GRIK5: variants seen among roughly 807,000 people sequenced by gnomAD.
GRIK5 encodes glutamate ionotropic receptor kainate type subunit 5.
Under a neutral mutation model 97.4 loss-of-function variants are expected in GRIK5, and 43 were observed. The ratio of observed to expected loss-of-function variants is 0.44; its 90% CI spans 0.35 to 0.57. The LOEUF (loss-of-function observed/expected upper bound fraction) is 0.57. Among genes scored for constraint, GRIK5 ranks in the 20% least tolerant of loss-of-function variants. The probability of loss-of-function intolerance (pLI) is 0.01; values close to 1 mark genes in which losing one functional copy is unlikely to be tolerated. For synonymous variants in GRIK5, 580 were observed against 583.5 expected, an observed-to-expected ratio of 0.99 and a Z score of 0.09; for missense variants, 1,015 against 1,382.0, an observed-to-expected ratio of 0.73 and a Z score of 4.21.
intron 12 of GRIK5, among the ~76,000 whole-genome samples, chr19:42,041,538 G>A (rs2075977483): frequency 6.6e-6 from 1 of 152,138 alleles, no homozygotes; most frequent in South Asian, 2.1e-4. Context: ...GGAAAACTGA[G>A]GTTCAGAGGA....
intron 1 of GRIK5, chr19:42,068,458 C>T (rs2076372144): frequency 3.0e-6 from 1 of 335,082 alleles, no homozygotes. Flanking sequence ...CAGCATGGAC[C>T]ACGGAGAGGT....
intron 12 of GRIK5, among the ~76,000 whole-genome samples, chr19:42,037,957 G>T (rs2075929246): frequency 6.6e-6 from 1 of 152,216 alleles, no homozygotes; most frequent in East Asian, 1.9e-4. Context: ...CCTGCACAGG[G>T]CAGGTTTCCA....
chr19:42,010,187 G>T (rs564438633), intron 15 of GRIK5, among the ~76,000 whole-genome samples: 1 of 152,118 alleles, frequency 6.6e-6, no homozygotes, highest in African/African-American at 2.4e-5. Flanking sequence ...TGAGAAATAA[G>T]TGGCTTTACC....
chr19:42,063,401 A>C, intron 3 of GRIK5: 1 of 456,134 alleles, frequency 2.2e-6, no homozygotes. Flanking sequence ...GCCTGTTCTC[A>C]TGGCAGAACC....
chr19:42,045,259 C>T (rs2076029317), intron 11 of GRIK5, among the ~76,000 whole-genome samples: 1 of 152,174 alleles, frequency 6.6e-6, no homozygotes, highest in Admixed American at 6.5e-5. Flanking sequence ...TTGTTTTGGC[C>T]AACTGGATGT....
At chr19:42,029,067 CA>C (rs974585362) in intron 12 of GRIK5, among the ~76,000 whole-genome samples, 4 of 151,658 alleles carry the variant, frequency 2.6e-5, no homozygotes, top group Admixed American at 6.6e-5. Context: ...CCCATCTCTA[CA>C]AAAAAAAATT....
chr19:42,049,566 C>T (rs570138798), intron 11 of GRIK5, among the ~76,000 whole-genome samples: 7 of 152,150 alleles, frequency 4.6e-5, no homozygotes, highest in Admixed American at 2.0e-4. Flanking sequence ...GGTTCAAGGG[C>T]GGGCAAAGCT....
intron 8 of GRIK5, among the ~76,000 whole-genome samples, chr19:42,054,917 A>G (rs183578038): frequency 6.6e-6 from 1 of 152,282 alleles, no homozygotes; most frequent in Non-Finnish European, 1.5e-5. Flanking sequence ...TCAGAGAGGC[A>G]GGAGCATATA....
rs782413270 is a variant in GRIK5, at chr19:42,002,657, C to T, written c.2514+675G>A. On this transcript the variant is annotated intron_variant, in intron 19 of 19. Coordinates refer to ENST00000593562, the MANE Select transcript of GRIK5 (RefSeq NM_002088.5). This position sits in a 1 kb window ranked among gnomAD's most constrained non-coding sequence, Gnocchi z 5.2. ...CCAGCAGTCCAGGGGTGCAAGAGCA[C>T]GAATGGGTCTGGAAATGCAGGGGTG... 5.5e-5 allele frequency: 34 copies of T among 616,452 alleles called. No individual in the cohort carries two copies. Among genetic ancestry groups the T allele is most frequent in the Non-Finnish European group, 8.1e-5 (28 of 343,736 alleles). 38.2% of individuals were successfully genotyped at this position (616,452 alleles called of 1,614,324 possible).
In GRIK5 at chr19:42,062,456, A is replaced by AAC; in HGVS notation, c.508+30_508+31dup. On this transcript the variant is annotated intron_variant, in intron 5 of 19. Coordinates refer to ENST00000593562, the MANE Select transcript of GRIK5 (RefSeq NM_002088.5). The surrounding 1 kb of genome is among the most constrained non-coding windows in gnomAD (Gnocchi z 5.3). ...TCTCTTGGGAAGGGGTGTCTGGGGGAACAGAAAACAAAACATTCAGTTCTC... is the reference window on the plus strand; with the variant it reads ...TCTCTTGGGAAGGGGTGTCTGGGGGAACACAGAAAACAAAACATTCAGTTCTC... 6.2e-7 allele frequency: 1 copy of AAC among 1,611,052 alleles called. No individual in the cohort carries two copies. Among genetic ancestry groups the AAC allele is most frequent in the Non-Finnish European group, 8.5e-7 (1 of 1,178,264 alleles).
chr19:42,063,697 AAAGC>A (rs2076290293), intron 3 of GRIK5, among the ~76,000 whole-genome samples: 1 of 152,174 alleles, frequency 6.6e-6, no homozygotes, highest in Non-Finnish European at 1.5e-5. Context: ...AACTCAGAGG[AAAGC>A]AGGCCTCAGA....
chr19:41,999,895 A>G lies in GRIK5; in HGVS notation c.2515-596T>C, dbSNP rs960040909. Among the ~76,000 whole-genome samples, 2 of 152,252 alleles carry G rather than the reference A, an allele frequency of 1.3e-5. No individual in the cohort carries two copies. Among genetic ancestry groups the G allele is most frequent in the African/African-American group, 4.8e-5 (2 of 41,472 alleles). ...AGGGAGTGACGATGAATTCTGAGAC[A>G]GGACAGTCAAGGAAGACCTCACTGA... On this transcript the variant is annotated intron_variant, in intron 19 of 19. Transcript: ENST00000593562. The surrounding 1 kb of genome is among the most constrained non-coding windows in gnomAD (Gnocchi z 5.0).
Position 42,022,087 on chromosome 19 carries a change from A to ACCCCTGGCCTGAGCCTCACACCCAG in GRIK5, c.1588-56_1588-32dup. The stretch of plus-strand genomic sequence containing the variant: ...GGGAGAGGGAGTGAGACCCGGAGAC[A>ACCCCTGGCCTGAGCCTCACACCCAG]CCCCTGGCCTGAGCCTCACACCCAG... On this transcript the variant is annotated intron_variant, in intron 13 of 19. Coordinates refer to ENST00000593562, the MANE Select transcript of GRIK5 (RefSeq NM_002088.5). This position sits in a 1 kb window ranked among gnomAD's most constrained non-coding sequence, Gnocchi z 4.2. 6.5e-7 allele frequency: 1 copy of ACCCCTGGCCTGAGCCTCACACCCAG among 1,528,588 alleles called. No homozygotes were observed. The highest frequency in any genetic ancestry group is 9.0e-7 in the Non-Finnish European group (1 of 1,109,612). The allele number at this position is 1,528,588 out of a possible 1,614,324, so 94.7% of individuals were successfully genotyped here.
rs1314406552 is a variant in GRIK5 at position 42,065,510 on chromosome 19, T to C, written c.80-123A>G. On this transcript the variant is annotated intron_variant, in intron 2 of 19. Transcript: ENST00000593562. This position sits in a 1 kb window ranked among gnomAD's most constrained non-coding sequence, Gnocchi z 5.8. The stretch of plus-strand genomic sequence containing the variant: ...CGGACCAGGGGTCTAGACACCTGGA[T>C]CTGAGGTTGGTGGGAGCTAGGGGTC... The C allele has an allele frequency of 3.7e-6, 4 of 1,089,872 alleles. No homozygotes were observed. The highest frequency in any genetic ancestry group is 5.2e-6 in the Non-Finnish European group (4 of 772,402). The allele number at this position is 1,089,872 out of a possible 1,614,324, so 67.5% of individuals were successfully genotyped here. A position where few individuals can be genotyped will look rare whatever the true frequency, so the allele number is the denominator to read the frequency against.
chr19:42,033,419 T>C (rs948378148), intron 12 of GRIK5, among the ~76,000 whole-genome samples: 1 of 148,830 alleles, frequency 6.7e-6, no homozygotes, highest in African/African-American at 2.5e-5. Flanking sequence ...AAAGAAGCCA[T>C]ACACAAAGAC....
chr19:42,046,956 C>T (rs1047386321), intron 11 of GRIK5, among the ~76,000 whole-genome samples: 3 of 152,154 alleles, frequency 2.0e-5, no homozygotes, highest in South Asian at 2.1e-4. Flanking sequence ...GGTGCAATCT[C>T]GGCTCACTAG....
In GRIK5 at chr19:42,003,390, A is replaced by G; in HGVS notation, c.2456T>C (p.Val819Ala). Reference protein sequence around the residue: ...IVLICGLIIAVFVAVMEFIWS... With the variant: ...IVLICGLIIAAFVAVMEFIWS... ...TATGAATTCCATGACCGCCACGAAGACAGCAATGATGAGGCCACAGATGAG... is the reference window on the plus strand; with the variant it reads ...TATGAATTCCATGACCGCCACGAAGGCAGCAATGATGAGGCCACAGATGAG... The change falls in exon 19 of 20, where the codon GTC becomes GCC. Residue 819 changes from valine to alanine, a missense_variant. Coordinates refer to ENST00000593562, the MANE Select transcript of GRIK5 (RefSeq NM_002088.5). This position sits in a 1 kb window ranked among gnomAD's most constrained non-coding sequence, Gnocchi z 4.2. The G allele has an allele frequency of 6.2e-7, 1 of 1,613,652 alleles. No individual in the cohort carries two copies. The highest frequency in any genetic ancestry group is 1.3e-5 in the African/African-American group (1 of 74,976).
At chr19:42,059,628 G>A (rs1391328891) in intron 5 of GRIK5, 101 bp from the exon 6 acceptor site, 16 of 1,032,706 alleles carry the variant, frequency 1.5e-5, no homozygotes, top group Non-Finnish European at 2.3e-5. Context: ...GCAGAGGACT[G>A]GAGGGTGTGC....
chr19:42,035,802 T>C (rs2075896954), intron 12 of GRIK5, among the ~76,000 whole-genome samples: 1 of 152,216 alleles, frequency 6.6e-6, no homozygotes. Context: ...AAGAACATCA[T>C]GTATATCCAG....
Sources: allele counts gnomAD v4.1 joint callset (sites outside exome capture counted in the v4.1 genomes callset), GRCh38; gene constraint gnomAD v4.1.1; non-coding constraint Gnocchi (gnomAD v3.1); transcripts MANE v1.5; gene names NCBI Gene and HGNC (gene_info 2026-07-23, HGNC 2026-07-21).